The following CTNNA3 variants were observed in gnomAD, a reference collection of about 807,000 sequenced individuals.
CTNNA3 encodes catenin alpha-3.
A neutral mutation model predicts 95.7 loss-of-function variants in CTNNA3; 76 were observed. The ratio of observed to expected loss-of-function variants is 0.79; its 90% confidence interval spans 0.66 to 0.96. The LOEUF is 0.96. Among genes scored for constraint, CTNNA3 ranks in the 40% least tolerant of loss-of-function variants. CTNNA3 has a pLI of 0.00. For missense variants in CTNNA3, 1,191 were observed against 1,089.8 expected (o/e 1.09, Z -1.31); for synonymous variants, 431 against 374.4 (o/e 1.15, Z -1.74).
At position 66,490,430 on chromosome 10, in the gene CTNNA3, C is replaced by A. The variant is rs376123195; in HGVS notation, c.1531+30187G>T. Among the ~76,000 whole-genome samples, 7 of 152,146 alleles carry A rather than the reference C, an allele frequency of 4.6e-5. No individual in the cohort carries two copies. In the South Asian group the frequency reaches 1.5e-3, roughly 32 times the overall value. On this transcript the variant is annotated intron_variant, in intron 11 of 17. Coordinates refer to ENST00000433211, the MANE Select transcript of CTNNA3 (RefSeq NM_013266.4). ...ATTTGTAATGCTTGAAGCCTTTTAACCTGAAACAGATCATCTTCCAACATA... is the reference window on the plus strand; with the variant it reads ...ATTTGTAATGCTTGAAGCCTTTTAAACTGAAACAGATCATCTTCCAACATA...
rs542225797 is a variant in CTNNA3 at position 66,368,058 on chromosome 10, G to A, written c.1732+11094C>T. On this transcript the variant is annotated intron_variant, in intron 12 of 17. Transcript: ENST00000433211. ...AATCACTATTTCAGCATTCCATGTCGTCCTATTTCTGTTTTTCCCATCTCT... is the reference window on the plus strand; with the variant it reads ...AATCACTATTTCAGCATTCCATGTCATCCTATTTCTGTTTTTCCCATCTCT... Among the ~76,000 whole-genome samples the A allele has an allele frequency of 2.0e-4, 30 of 150,758 alleles. No individual in the cohort carries two copies. In the East Asian group the frequency reaches 4.3e-3, roughly 22 times the overall value.
rs541266165 is a variant in CTNNA3 at position 66,481,760 on chromosome 10, C to T, written c.1531+38857G>A. 4.4e-4 allele frequency among the ~76,000 whole-genome samples: 59 copies of T among 134,348 alleles called. 2 individuals are homozygous for T. The highest frequency in any genetic ancestry group is 7.2e-4 in the Non-Finnish European group (47 of 65,682). 88.1% of individuals were successfully genotyped at this position (134,348 alleles called of 152,430 possible). A position where few individuals can be genotyped will look rare whatever the true frequency, so the allele number is the denominator to read the frequency against. On this transcript the variant is annotated intron_variant, in intron 11 of 17. Transcript: ENST00000433211. ...TGCTGGGATTACAGGCGTGAGCCAC[C>T]GCGTTGTTTCTTGCATTAAAATATC...
In CTNNA3 at chr10:67,564,677, G is replaced by GTATATATATAAA. The variant is rs1554854251; in HGVS notation, c.293-25009_293-25008insTTTATATATATA. 3.0e-3 allele frequency among the ~76,000 whole-genome samples: 181 copies of GTATATATATAAA among 61,314 alleles called. 3 individuals carry two copies. The highest frequency in any genetic ancestry group is 0.02 in the Middle Eastern group (2 of 98). The allele number at this position is 61,314 out of a possible 152,430, so 40.2% of individuals were successfully genotyped here. A position where few individuals can be genotyped will look rare whatever the true frequency, so the allele number is the denominator to read the frequency against. ...TATATGCATATATGTGTGTGTGTGT[G>GTATATATATAAA]TATATATATATATATATATATATAT... is the stretch of plus-strand genomic sequence containing the variant. On this transcript the variant is annotated intron_variant, in intron 3 of 17. Coordinates refer to ENST00000433211, the MANE Select transcript of CTNNA3 (RefSeq NM_013266.4).
chr10:67,592,903 T>C (rs1486935019), intron 3 of CTNNA3, among the ~76,000 whole-genome samples: 1 of 152,170 alleles, frequency 6.6e-6, no homozygotes, highest in African/African-American at 2.4e-5. Context: ...GGGGTACAAA[T>C]TATTTCATCA....
intron 9 of CTNNA3, among the ~76,000 whole-genome samples, chr10:66,695,830 G>A (rs752175756): frequency 9.6e-5 from 14 of 145,996 alleles, no homozygotes; most frequent in Non-Finnish European, 1.7e-4. Flanking sequence ...GAGACCCACT[G>A]CATTGAAAAT....
At chr10:66,309,439 T>A (rs914701135) in intron 12 of CTNNA3, among the ~76,000 whole-genome samples, 1 of 151,916 alleles carries the variant, frequency 6.6e-6, no homozygotes, top group Non-Finnish European at 1.5e-5. Flanking sequence ...ACGCCTGTAA[T>A]CTCAGCACTT....
At chr10:66,579,011 A>G (rs1461427536) in intron 10 of CTNNA3, among the ~76,000 whole-genome samples, 3 of 150,148 alleles carry the variant, frequency 2.0e-5, no homozygotes, top group African/African-American at 7.3e-5. Flanking sequence ...TACTGATTCA[A>G]TTTCAGAACT....
chr10:67,238,840 G>A (rs1199859979), intron 5 of CTNNA3, among the ~76,000 whole-genome samples: 1 of 151,970 alleles, frequency 6.6e-6, no homozygotes, highest in African/African-American at 2.4e-5. Flanking sequence ...TTGAATGCAA[G>A]TACTATGGCT....
chr10:66,429,164 T>C (rs1376358056), intron 11 of CTNNA3, among the ~76,000 whole-genome samples: 5 of 152,090 alleles, frequency 3.3e-5, no homozygotes, highest in Non-Finnish European at 4.4e-5. Flanking sequence ...AAGAAATGGA[T>C]AAAATCCTCT....
intron 9 of CTNNA3, among the ~76,000 whole-genome samples, chr10:66,630,557 G>C (rs2132342620): frequency 6.6e-6 from 1 of 152,282 alleles, no homozygotes; most frequent in Non-Finnish European, 1.5e-5. Context: ...ATGTTGGCAA[G>C]TGTGGCAGAT....
intron 14 of CTNNA3, among the ~76,000 whole-genome samples, chr10:66,075,759 A>G (rs2133621712): frequency 6.6e-6 from 1 of 151,918 alleles, no homozygotes; most frequent in East Asian, 1.9e-4. Flanking sequence ...GAAATGACTT[A>G]AAAGAACTCT....
intron 13 of CTNNA3, among the ~76,000 whole-genome samples, chr10:66,119,790 G>A (rs2082497506): frequency 6.6e-6 from 1 of 152,020 alleles, no homozygotes; most frequent in African/African-American, 2.4e-5. Context: ...CAGATACTGT[G>A]GTAGTTGCTG....
chr10:67,544,181 G>A (rs757661351), intron 3 of CTNNA3, among the ~76,000 whole-genome samples: 4 of 151,992 alleles, frequency 2.6e-5, no homozygotes, highest in Non-Finnish European at 4.4e-5. Context: ...TATTATCTTC[G>A]AACTCAGTAA....
chr10:66,520,876 C>A, intron 10 of CTNNA3, 103 bp from the exon 11 acceptor site: 1 of 555,856 alleles, frequency 1.8e-6, no homozygotes, highest in South Asian at 3.4e-5. Context: ...GCAATATATT[C>A]ATGTAAGAAA....
intron 7 of CTNNA3, among the ~76,000 whole-genome samples, chr10:67,066,643 A>AC (rs2032556042): frequency 9.2e-6 from 1 of 109,134 alleles, no homozygotes; most frequent in Non-Finnish European, 1.9e-5. Context: ...TCACTAAATA[A>AC]TAAAAAATCC....
intron 3 of CTNNA3, among the ~76,000 whole-genome samples, chr10:67,545,753 G>A (rs1368030920): frequency 7.9e-5 from 12 of 152,226 alleles, no homozygotes; most frequent in Non-Finnish European, 1.0e-4. Context: ...CGGTCAAAAC[G>A]ACTATATAAG....
chr10:66,577,842 T>G (rs528186028), intron 10 of CTNNA3, among the ~76,000 whole-genome samples: 2 of 152,254 alleles, frequency 1.3e-5, no homozygotes, highest in African/African-American at 2.4e-5. Context: ...AGAATAACTT[T>G]TTCTAATTCT....
chr10:67,475,134 A>G (rs1252728569), intron 5 of CTNNA3, among the ~76,000 whole-genome samples: 1 of 152,214 alleles, frequency 6.6e-6, no homozygotes, highest in Non-Finnish European at 1.5e-5. Flanking sequence ...GATGAATCCT[A>G]AACGCATTAT....
chr10:66,057,414 G>T (rs568645927), intron 15 of CTNNA3, among the ~76,000 whole-genome samples: 33 of 152,234 alleles, frequency 2.2e-4, no homozygotes, highest in African/African-American at 7.9e-4. Context: ...TCAGGTAAAA[G>T]CATTTATGCC....
Sources: gnomAD v4.1 joint callset for allele counts (sites outside exome capture counted in the v4.1 genomes callset) on GRCh38, gnomAD v4.1.1 for gene constraint, MANE v1.5 for transcripts, NCBI Gene and HGNC (gene_info 2026-07-23, HGNC 2026-07-21) for gene names.